HDX: variants seen among roughly 807,000 people sequenced by gnomAD.
HDX encodes highly divergent homeobox.
Under a neutral mutation model 45.2 loss-of-function variants are expected in HDX, and 19 were observed. The observed-to-expected ratio is 0.42, with a 90% CI of 0.29 to 0.62. HDX has a LOEUF of 0.62. Ranked by LOEUF, HDX falls within the 20% of genes least tolerant of loss-of-function variation. HDX has a pLI of 0.20. For synonymous variants in HDX, 188 were observed against 172.8 expected, an observed-to-expected ratio of 1.09 and a Z score of -0.69; for missense variants, 532 against 493.9, an observed-to-expected ratio of 1.08 and a Z score of -0.73.
chrX:84,404,677 AG>A lies in HDX; in HGVS notation c.1305+35854del, dbSNP rs949472560. Among the ~76,000 whole-genome samples the A allele has an allele frequency of 2.7e-5, 3 of 111,522 alleles. No homozygotes were observed. In the East Asian group the frequency reaches 8.4e-4, roughly 31 times the overall value. ...TTTCTACGAGTCAAAAGGAGAAAGCAGGGGGTGTCATACAAATATTTATACT... is the reference window on the plus strand; with the variant it reads ...TTTCTACGAGTCAAAAGGAGAAAGCAGGGGTGTCATACAAATATTTATACT... On this transcript the variant is annotated intron_variant, in intron 5 of 10. Transcript: ENST00000373177.
chrX:84,440,748 A>C (rs1219497414), intron 4 of HDX, among the ~76,000 whole-genome samples, 163 bp from the exon 5 acceptor site: 1 of 111,449 alleles, frequency 9.0e-6, no homozygotes. Flanking sequence ...ACAGATTTTA[A>C]GGGGTCTTTT....
intron 2 of HDX, among the ~76,000 whole-genome samples, chrX:84,487,348 T>C (rs1193404851): frequency 2.7e-5 from 3 of 112,247 alleles, no homozygotes; most frequent in Admixed American, 9.4e-5. Context: ...CTGTTGAGTA[T>C]GTTTAAATTC....
chrX:84,376,094 T>C (rs1297043585), intron 5 of HDX, among the ~76,000 whole-genome samples: 2 of 112,357 alleles, frequency 1.8e-5, no homozygotes, highest in Non-Finnish European at 3.8e-5. Context: ...GATCACCTGC[T>C]AGGCCCTAGC....
intron 6 of HDX, among the ~76,000 whole-genome samples, chrX:84,346,080 G>T (rs1405103436): frequency 9.0e-6 from 1 of 110,695 alleles, no homozygotes; most frequent in Non-Finnish European, 1.9e-5. Flanking sequence ...TATCCTATTA[G>T]TCTTTTGCAG....
Position 84,484,114 on chromosome X carries a change from A to G in HDX, c.-1+3910T>C, listed in dbSNP as rs188271600. 1.5e-3 allele frequency among the ~76,000 whole-genome samples: 167 copies of G among 111,482 alleles called. 2 individuals are homozygous for G. The South Asian group carries it at 0.016, about 11-fold the overall frequency. Reference sequence around the variant, plus strand: ...TCTAGGAAGTTACAAATTTTCTCACATTTGCCTGTCTTCTTCTGAGCCATC... The same window carrying G: ...TCTAGGAAGTTACAAATTTTCTCACGTTTGCCTGTCTTCTTCTGAGCCATC... On this transcript the variant is annotated intron_variant, in intron 2 of 10. Coordinates refer to ENST00000373177, the MANE Select transcript of HDX (RefSeq NM_001177479.2).
At chrX:84,437,426 C>A (rs1397754266) in intron 5 of HDX, among the ~76,000 whole-genome samples, 1 of 111,127 alleles carries the variant, frequency 9.0e-6, no homozygotes, top group Non-Finnish European at 1.9e-5. Context: ...TATAATCATG[C>A]TTGGCTTTTT....
At chrX:84,444,059 A>T (rs1317916586) in intron 4 of HDX, among the ~76,000 whole-genome samples, 1 of 111,425 alleles carries the variant, frequency 9.0e-6, no homozygotes. Flanking sequence ...ATATGACAAA[A>T]TTACATCTAC....
chrX:84,344,360 G>C lies in HDX; in HGVS notation c.1550C>G (p.Ser517Cys). 8.3e-7 allele frequency: 1 copy of C among 1,205,035 alleles called. No individual in the cohort carries two copies. The highest frequency in any genetic ancestry group is 1.1e-6 in the Non-Finnish European group (1 of 889,898). ...GPADFSEQPESGSLSALTPGE... is the reference protein window; with the variant it reads ...GPADFSEQPECGSLSALTPGE... Reference sequence around the variant, plus strand: ...TGGTGTGAGTGCAGATAAAGAACCAGACTCAGGCTGCTCAGAGAAATCAGC... The same window carrying C: ...TGGTGTGAGTGCAGATAAAGAACCACACTCAGGCTGCTCAGAGAAATCAGC... The change falls in exon 7 of 11, where the codon TCT becomes TGT. Residue 517 changes from serine to cysteine, a missense_variant. Physicochemically the swap from Ser to Cys is moderately radical, Grantham distance 112. Around this residue, in one of 3 missense-constraint regions of HDX, gnomAD observed 151 missense variants for 131.8 expected, o/e 1.15. Transcript: ENST00000373177.
chrX:84,493,799 A>G (rs2031335915), intron 1 of HDX, among the ~76,000 whole-genome samples: 2 of 111,718 alleles, frequency 1.8e-5, no homozygotes, highest in South Asian at 7.4e-4. Context: ...TGATAGCACA[A>G]CAGGGTGACT....
chrX:84,500,684 G>A (rs1376117033), intron 1 of HDX, among the ~76,000 whole-genome samples: 2 of 111,357 alleles, frequency 1.8e-5, no homozygotes, highest in African/African-American at 6.5e-5. Context: ...GACATCCTAC[G>A]TGGAGGGGAC....
chrX:84,326,227 A>T lies in HDX; in HGVS notation c.1898T>A (p.Val633Asp). 8.3e-7 allele frequency: 1 copy of T among 1,202,507 alleles called. No individual in the cohort carries two copies. The highest frequency in any genetic ancestry group is 1.1e-6 in the Non-Finnish European group (1 of 887,273). ...TTTCATTGCTAATATCAAGCTTCTA[A>T]CAAAAGTCTGAAGTTTAAAGTATTT... ...KQKYFKLQTF[V>D]RSLILAMKAD... Residue 633 changes from valine to aspartate, a missense_variant, in exon 10 of 11, where the codon GTT (valine) becomes GAT (aspartate). Around this residue, in one of 3 missense-constraint regions of HDX, gnomAD observed 151 missense variants for 131.8 expected, o/e 1.15. Transcript: ENST00000373177.
chrX:84,325,409 G>C (rs1394282286), intron 10 of HDX, among the ~76,000 whole-genome samples: 1 of 111,203 alleles, frequency 9.0e-6, no homozygotes, highest in Admixed American at 9.6e-5. Flanking sequence ...CTGTGACAAG[G>C]AATCAGCATA....
At chrX:84,382,835 A>T (rs1569307587) in intron 5 of HDX, among the ~76,000 whole-genome samples, 2 of 111,388 alleles carry the variant, frequency 1.8e-5, no homozygotes, top group East Asian at 5.6e-4. Context: ...ATTTTTTAAA[A>T]TAACTAAAAG....
chrX:84,442,345 A>G (rs937273303), intron 4 of HDX, among the ~76,000 whole-genome samples: 2 of 111,640 alleles, frequency 1.8e-5, no homozygotes, highest in Non-Finnish European at 3.8e-5. Context: ...TTCAAACTTC[A>G]GGTAAGCTGT....
At chrX:84,445,434 A>G (rs1430963417) in intron 4 of HDX, among the ~76,000 whole-genome samples, 2 of 110,644 alleles carry the variant, frequency 1.8e-5, no homozygotes, top group Non-Finnish European at 3.8e-5. Context: ...TTTTTTTTCA[A>G]CTATGAGGTG....
intron 5 of HDX, among the ~76,000 whole-genome samples, chrX:84,402,010 A>G (rs1202712565): frequency 1.8e-5 from 2 of 111,468 alleles, no homozygotes; most frequent in South Asian, 3.8e-4. Flanking sequence ...ACATGGACAC[A>G]GGGATGGGAA....
chrX:84,326,214 T>A lies in HDX; in HGVS notation c.1911A>T (p.Ile637=). The change falls in exon 10 of 11, where the codon ATA becomes ATT. Residue 637 remains isoleucine (I), a synonymous_variant. Transcript: ENST00000373177. The part of the protein sequence containing the change: ...FKLQTFVRSL[I]LAMKADDKEQ... ...CCTTATCATCAGCTTTCATTGCTAA[T>A]ATCAAGCTTCTAACAAAAGTCTGAA... is the stretch of plus-strand genomic sequence containing the variant. 1 of 1,205,614 alleles carries A rather than the reference T, an allele frequency of 8.3e-7. No individual in the cohort carries two copies. The highest frequency in any genetic ancestry group is 1.1e-6 in the Non-Finnish European group (1 of 890,053).
intron 6 of HDX, among the ~76,000 whole-genome samples, chrX:84,360,952 TTTGGTCATATGATAACTC>T (rs1417179529): frequency 8.9e-6 from 1 of 111,754 alleles, no homozygotes; most frequent in Non-Finnish European, 1.9e-5. Flanking sequence ...CAGTGGAATT[TTTGGTCATATGATAACTC>T]TGTGTTAAAC....
chrX:84,426,154 T>C (rs752818666), intron 5 of HDX, among the ~76,000 whole-genome samples: 6 of 110,650 alleles, frequency 5.4e-5, no homozygotes, highest in Admixed American at 3.9e-4. Context: ...TTTAAAAATG[T>C]CAAACCATCA....
Sources: gnomAD v4.1 joint callset for allele counts (sites outside exome capture counted in the v4.1 genomes callset) on GRCh38, gnomAD v4.1.1 for gene constraint, gnomAD v4.1.1 regional missense constraint, MANE v1.5 for transcripts, NCBI Gene and HGNC (gene_info 2026-07-23, HGNC 2026-07-21) for gene names.